The following FSIP2 variants were observed in gnomAD, a reference collection of about 807,000 sequenced individuals.
FSIP2 encodes the protein fibrous sheath-interacting protein 2.
FSIP2 carries 367 observed loss-of-function variants against 510.5 expected under a neutral mutation model. The observed-to-expected ratio is 0.72, with a 90% CI of 0.66 to 0.78. The LOEUF is 0.78. Ranked by LOEUF, FSIP2 falls within the 30% of genes least tolerant of loss-of-function variation. The pLI, the probability that FSIP2 is intolerant of heterozygous loss-of-function variation, is 0.00. For missense variants in FSIP2, 7,594 were observed against 7,901.7 expected (o/e 0.96, Z 1.48); for synonymous variants, 2,601 against 2,732.2 (o/e 0.95, Z 1.50).
At chr2:185,738,641 T>C (rs888173131), upstream of FSIP2, 6 of 1,536,042 alleles carry the variant, frequency 3.9e-6, no homozygotes, top group Non-Finnish European at 3.5e-6. Context: ...AAGTTTCAAC[T>C]GTGGTCCTCT....
chr2:185,824,987 C>G (rs940667990), intron 20 of FSIP2, among the ~76,000 whole-genome samples: 4 of 151,674 alleles, frequency 2.6e-5, no homozygotes, highest in African/African-American at 9.7e-5. Context: ...TTTAGGTTCT[C>G]TAACTGTCAA....
chr2:185,805,007 A>C lies in FSIP2; in HGVS notation c.15701A>C (p.His5234Pro), dbSNP rs980498596. The change falls in exon 17 of 23, where the codon CAT becomes CCT. Residue 5234 changes from histidine to proline, a missense_variant. Transcript: ENST00000424728. ...AGFIMKEIMYHHLQPFLHGEE... is the reference protein window; with the variant it reads ...AGFIMKEIMYPHLQPFLHGEE... ...TTTATTATGAAAGAAATCATGTATC[A>C]TCATTTACAGCCATTTTTACATGGT... The C allele has an allele frequency of 6.3e-7, 1 of 1,584,840 alleles. No homozygotes were observed. Among genetic ancestry groups the C allele is most frequent in the African/African-American group, 1.3e-5 (1 of 74,310 alleles).
chr2:185,758,441 T>A (rs1478752503), intron 9 of FSIP2, among the ~76,000 whole-genome samples: 9 of 151,392 alleles, frequency 5.9e-5, no homozygotes, highest in Non-Finnish European at 1.3e-4. Flanking sequence ...ACACATATTA[T>A]GTATGTTATA....
At chr2:185,831,674 C>G (rs1694111737) in intron 21 of FSIP2, 139 bp from the exon 22 acceptor site, 1 of 621,002 alleles carries the variant, frequency 1.6e-6, no homozygotes, top group African/African-American at 1.9e-5. Flanking sequence ...TTCTTTGAGA[C>G]TGCAGAGCAC....
intron 8 of FSIP2, among the ~76,000 whole-genome samples, chr2:185,755,191 A>AATTC (rs1422480175): frequency 6.6e-6 from 1 of 151,552 alleles, no homozygotes; most frequent in African/African-American, 2.4e-5. Context: ...CACCACTTTT[A>AATTC]ATTCACTTAT....
intron 13 of FSIP2, among the ~76,000 whole-genome samples, chr2:185,767,217 TAGA>T (rs1692506511): frequency 6.7e-6 from 1 of 149,434 alleles, no homozygotes. Context: ...TACCTAATGC[TAGA>T]TGACGAGTTA....
intron 9 of FSIP2, among the ~76,000 whole-genome samples, 166 bp downstream of exon 9, chr2:185,756,444 T>C (rs1394919408): frequency 6.6e-6 from 1 of 151,524 alleles, no homozygotes; most frequent in Non-Finnish European, 1.5e-5. Context: ...CCTTTATTGC[T>C]TTTAGAATTT....
At chr2:185,831,066 A>T (rs1270775768) in intron 21 of FSIP2, among the ~76,000 whole-genome samples, 1 of 151,912 alleles carries the variant, frequency 6.6e-6, no homozygotes, top group Non-Finnish European at 1.5e-5. Context: ...AACTCTTGTA[A>T]TAGTTATCTG....
At position 185,789,756 on chromosome 2, in the gene FSIP2, A is replaced by T. The variant is rs753495425; in HGVS notation, c.2620A>T (p.Ser874Cys). Residue 874 changes from serine (S) to cysteine (C), a missense_variant, in exon 16 of 23, where the codon AGT becomes TGT. Coordinates refer to ENST00000424728, the MANE Select transcript of FSIP2 (RefSeq NM_173651.4). ...TCAAAGAGCTGGCAAAAATAAATCTAGTCTTGAATCTGATGAAGCTAGTTT... is the reference window on the plus strand; with the variant it reads ...TCAAAGAGCTGGCAAAAATAAATCTTGTCTTGAATCTGATGAAGCTAGTTT... Reference protein sequence around the residue: ...FLQRAGKNKSSLESDEASLIV... With the variant: ...FLQRAGKNKSCLESDEASLIV... The T allele has an allele frequency of 3.3e-5, 51 of 1,534,342 alleles. No homozygotes were observed. Among genetic ancestry groups the T allele is most frequent in the Non-Finnish European group, 4.4e-5 (50 of 1,145,750 alleles).
intron 16 of FSIP2, among the ~76,000 whole-genome samples, chr2:185,798,553 T>C (rs1175173919): frequency 6.6e-6 from 1 of 151,822 alleles, no homozygotes; most frequent in African/African-American, 2.4e-5. Context: ...AATTACTTGC[T>C]ACATCACCAG....
Position 185,792,636 on chromosome 2 carries a change from C to T in FSIP2, c.5500C>T (p.Leu1834Phe), listed in dbSNP as rs1278884860. The part of the protein sequence containing the change: ...QFMDKMMDPL[L>F]SEADITIVTD... ...TATGGATAAAATGATGGATCCTTTA[C>T]TTTCGGAAGCAGATATAACCATAGT... is the stretch of plus-strand genomic sequence containing the variant. Residue 1834 changes from leucine to phenylalanine, a missense_variant, in exon 16 of 23, where the codon CTT becomes TTT. Coordinates refer to ENST00000424728, the MANE Select transcript of FSIP2 (RefSeq NM_173651.4). 3.9e-6 allele frequency: 6 copies of T among 1,533,978 alleles called. No individual in the cohort carries two copies. The highest frequency in any genetic ancestry group is 5.2e-6 in the Non-Finnish European group (6 of 1,145,550).
At chr2:185,777,107 G>A (rs1440573005) in intron 13 of FSIP2, among the ~76,000 whole-genome samples, 1 of 152,148 alleles carries the variant, frequency 6.6e-6, no homozygotes, top group East Asian at 1.9e-4. Flanking sequence ...AAATCAGCCA[G>A]AGATAATACA....
At chr2:185,741,878 T>C (rs1691930806) in intron 2 of FSIP2, among the ~76,000 whole-genome samples, 1 of 152,200 alleles carries the variant, frequency 6.6e-6, no homozygotes, top group South Asian at 2.1e-4. Flanking sequence ...AGAGTTCTTA[T>C]TAGGGTCCAA....
At chr2:185,822,913 C>A (rs1359683021) in intron 19 of FSIP2, among the ~76,000 whole-genome samples, 1 of 151,818 alleles carries the variant, frequency 6.6e-6, no homozygotes. Context: ...CATACATGAT[C>A]AAATGATTTT....
intron 19 of FSIP2, among the ~76,000 whole-genome samples, chr2:185,820,810 G>A: frequency 6.6e-6 from 1 of 151,130 alleles, no homozygotes; most frequent in East Asian, 2.0e-4. Context: ...ACAATGTTAA[G>A]AGTAAAATTT....
In FSIP2 at chr2:185,792,589, C is replaced by T. The variant is rs753333822; in HGVS notation, c.5453C>T (p.Thr1818Ile). 13 of 1,533,910 alleles carry T rather than the reference C, an allele frequency of 8.5e-6. No individual in the cohort carries two copies. The South Asian group carries it at 1.2e-4, about 14-fold the overall frequency. Reference protein sequence around the residue: ...NGMPHNVDEPTPQTSVQFMDK... With the variant: ...NGMPHNVDEPIPQTSVQFMDK... ...ATGCCTCACAATGTTGATGAGCCAA[C>T]TCCCCAAACATCTGTTCAATTTATG... Residue 1818 changes from threonine to isoleucine, a missense_variant, in exon 16 of 23, where the codon ACT becomes ATT. By Grantham distance (89) the Thr-to-Ile change is moderately conservative. Transcript: ENST00000424728.
At chr2:185,742,434 T>C (rs528133764) in intron 2 of FSIP2, among the ~76,000 whole-genome samples, 2 of 152,340 alleles carry the variant, frequency 1.3e-5, no homozygotes, top group Admixed American at 1.3e-4. Context: ...GGCTGTTGCC[T>C]AAAGGTGTAT....
At position 185,793,884 on chromosome 2, in the gene FSIP2, G is replaced by A. The variant is rs1693201679; in HGVS notation, c.6748G>A (p.Ala2250Thr). Reference sequence around the variant, plus strand: ...TGCTACTGACTCATGTGAGGAAAATGCTAACTTCATTACTAAAACTATTTT... The same window carrying A: ...TGCTACTGACTCATGTGAGGAAAATACTAACTTCATTACTAAAACTATTTT... The part of the protein sequence containing the change: ...KSATDSCEEN[A>T]NFITKTIFKR... The change falls in exon 16 of 23, where the codon GCT becomes ACT. Residue 2250 changes from alanine (A) to threonine (T), a missense_variant. Coordinates refer to ENST00000424728, the MANE Select transcript of FSIP2 (RefSeq NM_173651.4). The A allele has an allele frequency of 1.3e-6, 2 of 1,530,536 alleles. No individual in the cohort carries two copies. Among genetic ancestry groups the A allele is most frequent in the South Asian group, 2.4e-5 (2 of 83,090 alleles). The allele number at this position is 1,530,536 out of a possible 1,614,324, so 94.8% of individuals were successfully genotyped here.
intron 17 of FSIP2, among the ~76,000 whole-genome samples, chr2:185,810,533 AC>A: frequency 8.2e-6 from 1 of 122,012 alleles, no homozygotes; most frequent in Non-Finnish European, 1.7e-5. Flanking sequence ...AGCCAGTTAA[AC>A]CTCTTTTTTT....
Sources: allele counts gnomAD v4.1 joint callset (sites outside exome capture counted in the v4.1 genomes callset), GRCh38; gene constraint gnomAD v4.1.1; transcripts MANE v1.5; gene names NCBI Gene and HGNC (gene_info 2026-07-23, HGNC 2026-07-21).